TMEM254: variants seen among roughly 807,000 people sequenced by gnomAD.
TMEM254 encodes the protein transmembrane protein C10orf57.
In TMEM254, 16 loss-of-function variants were observed where a neutral mutation model predicts 13.9. That is an observed-to-expected ratio of 1.15 (90% CI 0.78 to 1.75). The LOEUF is 1.75. Among genes scored for constraint, TMEM254 ranks in the 40% most tolerant of loss-of-function variants. The probability of loss-of-function intolerance (pLI) is 0.00; values close to 1 mark genes in which losing one functional copy is unlikely to be tolerated. For missense variants in TMEM254, 155 were observed against 149.0 expected (o/e 1.04, Z -0.21); for synonymous variants, 61 against 56.4 (o/e 1.08, Z -0.36).
intron 3 of TMEM254, among the ~76,000 whole-genome samples, chr10:80,084,805 A>G (rs1226401442): frequency 1.3e-5 from 2 of 152,112 alleles, no homozygotes; most frequent in African/African-American, 4.8e-5. Context: ...CCAAAATACA[A>G]AAATTTTTAT....
At chr10:80,090,454 A>G (rs770951077) in intron 3 of TMEM254, 17 of 717,126 alleles carry the variant, frequency 2.4e-5, no homozygotes, top group South Asian at 1.8e-4. Context: ...GCTAGGATTT[A>G]TATCTGGTCT....
Position 80,079,253 on chromosome 10 carries a change from C to T in TMEM254, c.87+467C>T, listed in dbSNP as rs1032216613. The T allele has an allele frequency of 3.0e-5, 37 of 1,237,734 alleles. No individual in the cohort carries two copies. In the African/African-American group the frequency reaches 5.6e-4, roughly 19 times the overall value. The allele number at this position is 1,237,734 out of a possible 1,614,324, so 76.7% of individuals were successfully genotyped here. A position where few individuals can be genotyped will look rare whatever the true frequency, so the allele number is the denominator to read the frequency against. On this transcript the variant is annotated intron_variant, in intron 1 of 3. Transcript: ENST00000372281. Reference sequence around the variant, plus strand: ...CCGGGCCCTCGTAGGGCGAGGGGAGCTCTGGGAACGGGGCCTGTGCGCACG... The same window carrying T: ...CCGGGCCCTCGTAGGGCGAGGGGAGTTCTGGGAACGGGGCCTGTGCGCACG...
intron 1 of TMEM254, among the ~76,000 whole-genome samples, chr10:80,081,045 A>G (rs760508409): frequency 1.1e-4 from 17 of 152,190 alleles, no homozygotes; most frequent in Non-Finnish European, 1.6e-4. Flanking sequence ...GTGCCACTGC[A>G]CTCCAGCCTA....
rs536575928 is a variant in TMEM254, at chr10:80,085,915, C to T, written c.251+3711C>T. 2.0e-5 allele frequency among the ~76,000 whole-genome samples: 3 copies of T among 152,238 alleles called. No homozygotes were observed. In the South Asian group the frequency reaches 6.2e-4, roughly 32 times the overall value. On this transcript the variant is annotated intron_variant, in intron 3 of 3. Transcript: ENST00000372281. ...TTAGATTCTTGCTGCTTGCATACCC[C>T]AGTTGGCTCTGCAGCCCTTAGAAAG...
chr10:80,080,932 T>A (rs1282377945), intron 1 of TMEM254, among the ~76,000 whole-genome samples: 4 of 152,110 alleles, frequency 2.6e-5, no homozygotes, highest in African/African-American at 9.7e-5. Context: ...ATACAAAAAT[T>A]AGCTGGGCGT....
chr10:80,079,684 C>A, intron 1 of TMEM254: 8 of 985,574 alleles, frequency 8.1e-6, no homozygotes, highest in Non-Finnish European at 9.6e-6. Flanking sequence ...GAGAAAGATG[C>A]GTGGAAAAGT....
chr10:80,081,996 G>C (rs1424735837), intron 2 of TMEM254, 52 bp downstream of exon 2: 1 of 1,592,278 alleles, frequency 6.3e-7, no homozygotes, highest in South Asian at 1.1e-5. Context: ...TGGTCTCATG[G>C]GAAACCTGGA....
intron 3 of TMEM254, among the ~76,000 whole-genome samples, chr10:80,084,424 T>C (rs1167483257): frequency 2.0e-5 from 3 of 152,174 alleles, no homozygotes; most frequent in South Asian, 2.1e-4. Flanking sequence ...CCAGGATCTG[T>C]ATGGCTCACA....
In TMEM254 at chr10:80,078,719, C is replaced by A; in HGVS notation, c.20C>A (p.Ala7Glu). The A allele has an allele frequency of 1.2e-6, 2 of 1,605,072 alleles. No individual in the cohort carries two copies. The highest frequency in any genetic ancestry group is 1.7e-6 in the Non-Finnish European group (2 of 1,176,908). MATAAG[A>E]TYFQRGSLFW... ...GCAGCCATGGCTACGGCAGCCGGCGCGACCTACTTTCAGCGAGGCAGTCTG... is the reference window on the plus strand; with the variant it reads ...GCAGCCATGGCTACGGCAGCCGGCGAGACCTACTTTCAGCGAGGCAGTCTG... Residue 7 changes from alanine (A) to glutamate (E), a missense_variant, in exon 1 of 4, where the codon GCG becomes GAG. Physicochemically the swap from Ala to Glu is moderately radical, Grantham distance 107 (BLOSUM62 -1). Transcript: ENST00000372281.
intron 3 of TMEM254, among the ~76,000 whole-genome samples, chr10:80,084,115 A>G (rs1844193634): frequency 6.6e-6 from 1 of 151,988 alleles, no homozygotes; most frequent in Admixed American, 6.6e-5. Context: ...AAAAACAATA[A>G]ACAGCTGCTG....
At position 80,078,925 on chromosome 10, in the gene TMEM254, G is replaced by T. The variant is rs181443659; in HGVS notation, c.87+139G>T. The stretch of plus-strand genomic sequence containing the variant: ...ACTCCCGCGCGCTAGGAGCGGAGGG[G>T]AGGGGACCAGACTCCGCAATGAGAG... On this transcript the variant is annotated intron_variant, in intron 1 of 3. Transcript: ENST00000372281. 3,508 of 1,522,164 alleles carry T rather than the reference G, an allele frequency of 2.3e-3. 54 individuals are homozygous for T. The highest frequency in any genetic ancestry group is 0.021 in the Admixed American group (1,043 of 49,900). The allele number at this position is 1,522,164 out of a possible 1,614,324, so 94.3% of individuals were successfully genotyped here.
intron 3 of TMEM254, among the ~76,000 whole-genome samples, chr10:80,087,488 C>A (rs376446587): frequency 6.2e-4 from 84 of 136,002 alleles, no homozygotes; most frequent in East Asian, 6.2e-4. Flanking sequence ...ACTAAAAATA[C>A]AAAAAAAAAA....
intron 3 of TMEM254, among the ~76,000 whole-genome samples, chr10:80,082,664 A>C (rs1844100553): frequency 6.6e-6 from 1 of 152,198 alleles, no homozygotes; most frequent in Non-Finnish European, 1.5e-5. Flanking sequence ...CAGAGATAGG[A>C]ATGTGCTCTT....
chr10:80,085,195 G>C (rs1844251295), intron 3 of TMEM254, among the ~76,000 whole-genome samples: 1 of 152,038 alleles, frequency 6.6e-6, no homozygotes, highest in South Asian at 2.1e-4. Flanking sequence ...TTATGTTCTT[G>C]AAATCATTTA....
At chr10:80,088,767 C>A (rs1462571297) in intron 3 of TMEM254, among the ~76,000 whole-genome samples, 218 of 118,200 alleles carry the variant, frequency 1.8e-3, no homozygotes, top group South Asian at 2.3e-3. Context: ...GACTCCGTCT[C>A]AAAAAAAAAA....
intron 3 of TMEM254, among the ~76,000 whole-genome samples, chr10:80,082,519 A>C (rs981334605): frequency 6.6e-6 from 1 of 152,230 alleles, no homozygotes; most frequent in Non-Finnish European, 1.5e-5. Context: ...CTTCTAGTTT[A>C]CAAAAGAGCT....
At chr10:80,079,157 C>G in intron 1 of TMEM254, 3 of 1,309,518 alleles carry the variant, frequency 2.3e-6, no homozygotes, top group Non-Finnish European at 3.0e-6. Context: ...CCTCTCTGGT[C>G]ACAGTCCTGG....
chr10:80,086,716 C>T (rs1844334042), intron 3 of TMEM254, among the ~76,000 whole-genome samples: 3 of 151,746 alleles, frequency 2.0e-5, no homozygotes, highest in Admixed American at 2.0e-4. Flanking sequence ...TGGCGGGCAC[C>T]TGTAGTCCCA....
intron 3 of TMEM254, chr10:80,086,273 A>AC: frequency 6.8e-7 from 1 of 1,471,164 alleles, no homozygotes; most frequent in Non-Finnish European, 9.0e-7. Context: ...GTGAATGAGA[A>AC]CAAGTTATGA....
Sources: allele counts gnomAD v4.1 joint callset (sites outside exome capture counted in the v4.1 genomes callset), GRCh38; gene constraint gnomAD v4.1.1; transcripts MANE v1.5; gene names NCBI Gene and HGNC (gene_info 2026-07-23, HGNC 2026-07-21).